Variants in GAPVD1 observed in about 807,000 individuals in gnomAD.
GAPVD1 encodes GTPase-activating protein and VPS9 domain-containing protein 1.
GAPVD1 carries 35 observed loss-of-function variants against 155.5 expected under a neutral mutation model. The ratio of observed to expected loss-of-function variants is 0.23; its 90% CI spans 0.17 to 0.30. The LOEUF (loss-of-function observed/expected upper bound fraction) is 0.30. Among genes scored for constraint, GAPVD1 ranks in the 10% least tolerant of loss-of-function variants. GAPVD1 has a pLI of 1.00. For missense variants in GAPVD1, 1,429 were observed against 1,775.7 expected (o/e 0.80, Z 3.51); for synonymous variants, 636 against 619.7 (o/e 1.03, Z -0.39).
At chr9:125,278,411 C>A (rs1245254928) in intron 2 of GAPVD1, among the ~76,000 whole-genome samples, 1 of 152,114 alleles carries the variant, frequency 6.6e-6, no homozygotes, top group Non-Finnish European at 1.5e-5. Context: ...ATCCCAGGTA[C>A]TCGGGAGGCT....
intron 2 of GAPVD1, among the ~76,000 whole-genome samples, chr9:125,284,424 C>T (rs1837306103): frequency 6.6e-6 from 1 of 151,598 alleles, no homozygotes; most frequent in Non-Finnish European, 1.5e-5. Context: ...ATGATCCGCT[C>T]ACCTCGGCTT....
intron 19 of GAPVD1, among the ~76,000 whole-genome samples, chr9:125,345,432 C>T (rs1014562177): frequency 1.6e-4 from 25 of 152,248 alleles, no homozygotes; most frequent in African/African-American, 4.6e-4. Flanking sequence ...CTGCCCGCAT[C>T]GGCCTCCAAA....
intron 9 of GAPVD1, among the ~76,000 whole-genome samples, chr9:125,313,702 A>G (rs1261268260): frequency 6.6e-6 from 1 of 151,960 alleles, no homozygotes; most frequent in African/African-American, 2.4e-5. Context: ...CCTGGGTTCA[A>G]GCAATTCTCC....
chr9:125,331,426 C>G (rs1846061243), intron 13 of GAPVD1, among the ~76,000 whole-genome samples: 1 of 152,104 alleles, frequency 6.6e-6, no homozygotes, highest in South Asian at 2.1e-4. Flanking sequence ...GTCTCGAACT[C>G]CTGACCTCAG....
At chr9:125,357,795 T>G (rs1850310024) in intron 25 of GAPVD1, among the ~76,000 whole-genome samples, 1 of 151,908 alleles carries the variant, frequency 6.6e-6, no homozygotes, top group African/African-American at 2.4e-5. Flanking sequence ...GCCAACATGG[T>G]GAAACTGTGT....
chr9:125,326,647 C>T lies in GAPVD1; in HGVS notation c.2032+58C>T, dbSNP rs186979047. 85 of 1,242,058 alleles carry T rather than the reference C, an allele frequency of 6.8e-5. No individual in the cohort carries two copies. The African/African-American group carries it at 7.1e-4, about 10-fold the overall frequency. The allele number at this position is 1,242,058 out of a possible 1,614,324, so 76.9% of individuals were successfully genotyped here. On this transcript the variant is annotated intron_variant, in intron 12 of 27. Coordinates refer to ENST00000297933, the MANE Select transcript of GAPVD1 (RefSeq NM_001282680.3). ...GGTTTAGTTATTCAAATCCACCAAC[C>T]TTTCATGGGAGGGAGCACCAGTGCC... is the stretch of plus-strand genomic sequence containing the variant.
chr9:125,263,150 T>G (rs1178079290), intron 1 of GAPVD1, among the ~76,000 whole-genome samples: 1 of 152,236 alleles, frequency 6.6e-6, no homozygotes, highest in Admixed American at 6.5e-5. Context: ...ACCATAGGCT[T>G]CACCAAACTG....
chr9:125,358,498 T>C (rs1366591630), intron 25 of GAPVD1, among the ~76,000 whole-genome samples: 1 of 152,224 alleles, frequency 6.6e-6, no homozygotes, highest in Non-Finnish European at 1.5e-5. Flanking sequence ...GACAGTGGCT[T>C]ACTGTGCCTG....
intron 2 of GAPVD1, among the ~76,000 whole-genome samples, chr9:125,294,492 G>A (rs1163698827): frequency 1.3e-5 from 2 of 151,148 alleles, no homozygotes; most frequent in African/African-American, 4.9e-5. Context: ...GACTACAGGC[G>A]CGTGTCACCA....
At chr9:125,268,493 TTG>T (rs1412973377) in intron 1 of GAPVD1, among the ~76,000 whole-genome samples, 1 of 149,764 alleles carries the variant, frequency 6.7e-6, no homozygotes, top group Non-Finnish European at 1.5e-5. Context: ...ACCCCTAACA[TTG>T]TTTTTTTTTT....
chr9:125,270,883 A>C (rs1199250976), intron 2 of GAPVD1, among the ~76,000 whole-genome samples: 1 of 152,208 alleles, frequency 6.6e-6, no homozygotes, highest in Non-Finnish European at 1.5e-5. Context: ...TGGGAGGCAG[A>C]GGTTGCGATG....
intron 15 of GAPVD1, 65 bp downstream of exon 15, chr9:125,332,694 A>G (rs981493728): frequency 8.9e-6 from 12 of 1,343,860 alleles, no homozygotes; most frequent in South Asian, 1.2e-5. Context: ...TGGCACTGTG[A>G]CACATTGCTG....
intron 3 of GAPVD1, among the ~76,000 whole-genome samples, chr9:125,298,356 G>A (rs901032583): frequency 6.6e-6 from 1 of 151,898 alleles, no homozygotes; most frequent in African/African-American, 2.4e-5. Flanking sequence ...TTAGCAGTGA[G>A]CTTTTTTTTC....
chr9:125,290,728 C>T (rs140536357), intron 2 of GAPVD1, among the ~76,000 whole-genome samples: 1 of 152,050 alleles, frequency 6.6e-6, no homozygotes, highest in South Asian at 2.1e-4. Context: ...GTGATAATAG[C>T]CAGACATGGT....
At chr9:125,337,697 A>G in intron 17 of GAPVD1, 106 bp downstream of exon 17, 1 of 1,087,034 alleles carries the variant, frequency 9.2e-7, no homozygotes, top group Non-Finnish European at 1.3e-6. Context: ...GATAGAGAGT[A>G]GTCATGATTA....
rs1851395451 is a variant in GAPVD1 at position 125,365,201 on chromosome 9, A to G, written c.*2455A>G. The G allele has an allele frequency of 6.6e-6, 1 of 152,214 alleles. No homozygotes were observed. The highest frequency in any genetic ancestry group is 2.4e-5 in the African/African-American group (1 of 41,462). 9.4% of individuals were successfully genotyped at this position (152,214 alleles called of 1,614,324 possible). On this transcript the variant is annotated 3_prime_UTR_variant, in exon 28 of 28. Transcript: ENST00000297933. ...CATAGCTGGCGGAGGAGCACAGCACAGCTGTTGCAGGGGCAGCTAAGGTTT... is the reference window on the plus strand; with the variant it reads ...CATAGCTGGCGGAGGAGCACAGCACGGCTGTTGCAGGGGCAGCTAAGGTTT...
At chr9:125,299,786 C>T (rs1047806283) in intron 4 of GAPVD1, among the ~76,000 whole-genome samples, 11 of 149,548 alleles carry the variant, frequency 7.4e-5, no homozygotes, top group African/African-American at 1.5e-4. Flanking sequence ...TTTGGGAGGC[C>T]GAGGTGGGTG....
rs770395968 is a variant in GAPVD1 at position 125,325,285 on chromosome 9, G to A, written c.1859-1131G>A. On this transcript the variant is annotated intron_variant, in intron 11 of 27. Transcript: ENST00000297933. ...ACCTGTAATCCCTAGCACTTTGGGA[G>A]GCCAAGACAGGCGGATCATGAGGTC... 3.2e-4 allele frequency among the ~76,000 whole-genome samples: 49 copies of A among 151,152 alleles called. 1 individual carries two copies. Among genetic ancestry groups the A allele is most frequent in the Non-Finnish European group, 3.2e-4 (22 of 67,880 alleles).
intron 1 of GAPVD1, chr9:125,263,479 A>T: frequency 1.5e-6 from 1 of 676,876 alleles, no homozygotes. Flanking sequence ...AAACTCCTGA[A>T]ATAGAAATAA....
Sources: gnomAD v4.1 joint callset for allele counts (sites outside exome capture counted in the v4.1 genomes callset) on GRCh38, gnomAD v4.1.1 for gene constraint, MANE v1.5 for transcripts, NCBI Gene and HGNC (gene_info 2026-07-23, HGNC 2026-07-21) for gene names.